ANKRD45: variants seen among roughly 807,000 people sequenced by gnomAD.
ANKRD45 encodes ankyrin repeat domain-containing protein 45.
ANKRD45 carries 21 observed loss-of-function variants against 28.1 expected under a neutral mutation model. The observed-to-expected ratio is 0.75, with a 90% CI of 0.53 to 1.08. The LOEUF (loss-of-function observed/expected upper bound fraction) is 1.08. Ranked by LOEUF, ANKRD45 falls within the 50% of genes least tolerant of loss-of-function variation. The pLI is 0.00. For missense variants in ANKRD45, 261 were observed against 308.7 expected, an observed-to-expected ratio of 0.85 and a Z score of 1.16; for synonymous variants, 86 against 103.9, an observed-to-expected ratio of 0.83 and a Z score of 1.05.
chr1:173,645,105 T>C (rs1668867304), intron 3 of ANKRD45, among the ~76,000 whole-genome samples: 1 of 152,170 alleles, frequency 6.6e-6, no homozygotes, highest in South Asian at 2.1e-4. Context: ...ACAGATCTAA[T>C]CATAAAAATA....
chr1:173,667,778 A>G, intron 1 of ANKRD45: 1 of 416,238 alleles, frequency 2.4e-6, no homozygotes, highest in South Asian at 1.8e-5. Flanking sequence ...GTGCACAATT[A>G]TCTGAAAAAG....
At chr1:173,664,760 T>C (rs1378837200) in intron 1 of ANKRD45, among the ~76,000 whole-genome samples, 1 of 152,226 alleles carries the variant, frequency 6.6e-6, no homozygotes, top group Non-Finnish European at 1.5e-5. Flanking sequence ...GAATCAAGCC[T>C]TACATTTCTT....
the ANKRD45 span, among the ~76,000 whole-genome samples, chr1:173,707,894 A>T: frequency 6.6e-6 from 1 of 152,188 alleles, no homozygotes; most frequent in Admixed American, 6.5e-5. Context: ...CCATAGTTGT[A>T]CCAGCATCAT....
the ANKRD45 span, among the ~76,000 whole-genome samples, chr1:173,704,689 T>C: frequency 6.6e-6 from 1 of 152,182 alleles, no homozygotes; most frequent in African/African-American, 2.4e-5. Context: ...GATATTCTCA[T>C]TGCTAGCCTG....
chr1:173,637,282 A>G, intron 3 of ANKRD45: 1 of 394,568 alleles, frequency 2.5e-6, no homozygotes, highest in Non-Finnish European at 4.5e-6. Context: ...TCCTCTTCAA[A>G]GGGACATTCC....
chr1:173,697,600 C>T, the ANKRD45 span, among the ~76,000 whole-genome samples: 1 of 152,142 alleles, frequency 6.6e-6, no homozygotes, highest in African/African-American at 2.4e-5. Flanking sequence ...AAATCCTTTA[C>T]AGACAAGCAA....
the ANKRD45 span, among the ~76,000 whole-genome samples, chr1:173,684,669 T>C: frequency 6.6e-6 from 1 of 152,220 alleles, no homozygotes; most frequent in African/African-American, 2.4e-5. Context: ...AATGCCTTTG[T>C]TATACTTCCA....
At chr1:173,661,295 G>C (rs1669765543) in intron 1 of ANKRD45, among the ~76,000 whole-genome samples, 1 of 152,158 alleles carries the variant, frequency 6.6e-6, no homozygotes, top group South Asian at 2.1e-4. Flanking sequence ...CATCAAGAAT[G>C]GGCAAGACTG....
the ANKRD45 span, among the ~76,000 whole-genome samples, chr1:173,713,888 T>G: frequency 6.6e-6 from 1 of 152,184 alleles, no homozygotes; most frequent in Non-Finnish European, 1.5e-5. Context: ...ACTTCTTCCA[T>G]TTTTCCACTC....
At chr1:173,653,233 T>C (rs1205511705) in intron 2 of ANKRD45, among the ~76,000 whole-genome samples, 1 of 152,230 alleles carries the variant, frequency 6.6e-6, no homozygotes, top group Non-Finnish European at 1.5e-5. Context: ...TTGTGGGCAT[T>C]TAGTGCTATA....
the ANKRD45 span, among the ~76,000 whole-genome samples, chr1:173,709,720 C>G: frequency 6.6e-6 from 1 of 152,084 alleles, no homozygotes; most frequent in Non-Finnish European, 1.5e-5. Context: ...CAGCTTCAAC[C>G]TCCTGAGCTC....
At chr1:173,691,842 G>A in the ANKRD45 span, among the ~76,000 whole-genome samples, 1 of 152,176 alleles carries the variant, frequency 6.6e-6, no homozygotes, top group African/African-American at 2.4e-5. Context: ...GAGCAATGGT[G>A]AGCGCACACT....
At chr1:173,658,146 A>C in intron 2 of ANKRD45, 1 of 161,844 alleles carries the variant, frequency 6.2e-6, no homozygotes, top group Non-Finnish European at 1.4e-5. Context: ...AACATGGTGA[A>C]ACCCCGTCTC....
chr1:173,659,525 G>A (rs1009258847), intron 1 of ANKRD45, 92 bp from the exon 2 acceptor site: 13 of 1,109,926 alleles, frequency 1.2e-5, no homozygotes, highest in South Asian at 2.1e-5. Flanking sequence ...CAATATAGAT[G>A]GTATAAAAAT....
At chr1:173,619,605 A>C (rs1667614970) in intron 5 of ANKRD45, among the ~76,000 whole-genome samples, 1 of 152,172 alleles carries the variant, frequency 6.6e-6, no homozygotes, top group Non-Finnish European at 1.5e-5. Flanking sequence ...ACATGGGTGG[A>C]TCACCTGAGG....
At position 173,624,831 on chromosome 1, in the gene ANKRD45, A is replaced by T. The variant is rs1558122055; in HGVS notation, c.686T>A (p.Leu229Gln). Residue 229 changes from leucine to glutamine, a missense_variant, in exon 5 of 6, where the codon CTG (leucine) becomes CAG (glutamine). Coordinates refer to ENST00000333279, the MANE Select transcript of ANKRD45 (RefSeq NM_198493.3). ...GAAGATAGGAGTCACAATATCTTCC[A>T]GTTGTTGTCTCTGCTCAAAAAGCTC... ...INELFEQRQQLEDIVTPIFTK... is the reference protein window; with the variant it reads ...INELFEQRQQQEDIVTPIFTK... 2.5e-6 allele frequency: 4 copies of T among 1,613,726 alleles called. No individual in the cohort carries two copies.
At chr1:173,625,125 T>C (rs1667875446) in intron 4 of ANKRD45, among the ~76,000 whole-genome samples, 200 bp from the exon 5 acceptor site, 1 of 152,220 alleles carries the variant, frequency 6.6e-6, no homozygotes, top group Non-Finnish European at 1.5e-5. Context: ...AGGAACTACA[T>C]TTTAAATTTT....
chr1:173,677,116 C>T, the ANKRD45 span, among the ~76,000 whole-genome samples: 2 of 149,382 alleles, frequency 1.3e-5, no homozygotes, highest in African/African-American at 4.9e-5. Flanking sequence ...CTTGATATTA[C>T]AAAATAGGAT....
chr1:173,682,529 T>G, the ANKRD45 span, among the ~76,000 whole-genome samples: 2 of 152,054 alleles, frequency 1.3e-5, no homozygotes, highest in Non-Finnish European at 2.9e-5. Context: ...TTTAGGTCTC[T>G]TATGCAGCAG....
Sources: allele counts gnomAD v4.1 joint callset (sites outside exome capture counted in the v4.1 genomes callset), GRCh38; gene constraint gnomAD v4.1.1; transcripts MANE v1.5; gene names NCBI Gene and HGNC (gene_info 2026-07-23, HGNC 2026-07-21).